The following DIAPH3 variants were observed in gnomAD, a reference collection of about 807,000 sequenced individuals.
DIAPH3 encodes protein diaphanous homolog 3.
DIAPH3 carries 117 observed loss-of-function variants against 144.3 expected under a neutral mutation model. The ratio of observed to expected loss-of-function variants is 0.81; its 90% CI spans 0.70 to 0.95. The LOEUF (loss-of-function observed/expected upper bound fraction) is 0.95. Ranked by LOEUF, DIAPH3 falls within the 40% of genes least tolerant of loss-of-function variation. DIAPH3 has a pLI of 0.00. For synonymous variants in DIAPH3, 519 were observed against 488.9 expected (o/e 1.06, Z -0.81); for missense variants, 1,421 against 1,412.7 (o/e 1.01, Z -0.09).
intron 2 of DIAPH3, among the ~76,000 whole-genome samples, chr13:60,115,795 T>A (rs1292464559): frequency 6.6e-6 from 1 of 152,110 alleles, no homozygotes; most frequent in African/African-American, 2.4e-5. Context: ...AACCAGTTTG[T>A]CTGCAAGTTT....
At chr13:59,969,157 A>G (rs776666341) in intron 17 of DIAPH3, among the ~76,000 whole-genome samples, 3 of 152,206 alleles carry the variant, frequency 2.0e-5, no homozygotes, top group Non-Finnish European at 4.4e-5. Context: ...GGATGAAATA[A>G]GTTCAATTTT....
chr13:59,675,480 G>A (rs1381163077), intron 27 of DIAPH3, among the ~76,000 whole-genome samples: 2 of 151,822 alleles, frequency 1.3e-5, no homozygotes, highest in Non-Finnish European at 2.9e-5. Context: ...CGCCTCCCGG[G>A]TTCATGCCAT....
At chr13:59,987,475 T>TAAAAAAA (rs201333360) in intron 12 of DIAPH3, among the ~76,000 whole-genome samples, 1 of 70,178 alleles carries the variant, frequency 1.4e-5, no homozygotes, top group Non-Finnish European at 3.1e-5. Context: ...TAAAGTATAA[T>TAAAAAAA]AAAAAAAAAA....
intron 27 of DIAPH3, among the ~76,000 whole-genome samples, chr13:59,752,799 A>G (rs1174283572): frequency 6.6e-6 from 1 of 152,216 alleles, no homozygotes; most frequent in Non-Finnish European, 1.5e-5. Flanking sequence ...AATTTCTTAA[A>G]TAATTATCTG....
chr13:59,860,836 C>T (rs1320336090), intron 22 of DIAPH3, among the ~76,000 whole-genome samples: 1 of 152,118 alleles, frequency 6.6e-6, no homozygotes, highest in African/African-American at 2.4e-5. Flanking sequence ...TTAATAATAG[C>T]TCTATCCGTT....
At chr13:59,827,727 T>A (rs950924581) in intron 24 of DIAPH3, among the ~76,000 whole-genome samples, 2 of 151,904 alleles carry the variant, frequency 1.3e-5, no homozygotes, top group Non-Finnish European at 2.9e-5. Flanking sequence ...TTGGGTTATG[T>A]GAGAAAAAGC....
At position 59,980,881 on chromosome 13, in the gene DIAPH3, AT is replaced by A; in HGVS notation, c.1481-23del. 4 of 1,599,500 alleles carry A rather than the reference AT, an allele frequency of 2.5e-6. No individual in the cohort carries two copies. The South Asian group carries it at 4.4e-5, about 18-fold the overall frequency. On this transcript the variant is annotated intron_variant, in intron 13 of 27. Transcript: ENST00000400324. Reference sequence around the variant, plus strand: ...ATGTCTAAAATTGCAATGACAGGAAATTTTTAATGTGAAACTTCTTAAACTC... The same window carrying A: ...ATGTCTAAAATTGCAATGACAGGAAATTTTAATGTGAAACTTCTTAAACTC...
chr13:60,025,957 C>A (rs1438951095), intron 5 of DIAPH3, among the ~76,000 whole-genome samples: 1 of 152,126 alleles, frequency 6.6e-6, no homozygotes, highest in Non-Finnish European at 1.5e-5. Flanking sequence ...ACTATGCCTA[C>A]AATCTTGAAG....
intron 20 of DIAPH3, among the ~76,000 whole-genome samples, chr13:59,910,132 T>C (rs1251615386): frequency 4.0e-5 from 6 of 151,766 alleles, no homozygotes. Flanking sequence ...TATTTCAAAA[T>C]TGTAATTTTA....
chr13:59,919,243 A>T (rs2047395228), intron 18 of DIAPH3, among the ~76,000 whole-genome samples: 1 of 152,116 alleles, frequency 6.6e-6, no homozygotes. Context: ...ATTGTAGAAA[A>T]CTTATTTTAA....
At chr13:59,921,316 T>C (rs1388682061) in intron 18 of DIAPH3, among the ~76,000 whole-genome samples, 1 of 150,482 alleles carries the variant, frequency 6.6e-6, no homozygotes, top group East Asian at 1.9e-4. Context: ...AATTTCATTT[T>C]TGGAAAAAAT....
intron 21 of DIAPH3, among the ~76,000 whole-genome samples, chr13:59,868,037 G>A (rs1398347403): frequency 6.6e-6 from 1 of 152,054 alleles, no homozygotes; most frequent in Non-Finnish European, 1.5e-5. Context: ...AAGAAGTCAT[G>A]GCAGGGTCGC....
chr13:59,800,788 A>G (rs2039864777), intron 25 of DIAPH3, among the ~76,000 whole-genome samples: 1 of 152,166 alleles, frequency 6.6e-6, no homozygotes, highest in African/African-American at 2.4e-5. Flanking sequence ...GGTATTTCCA[A>G]CGATCATAAA....
chr13:60,026,024 T>C, intron 5 of DIAPH3, among the ~76,000 whole-genome samples: 1 of 152,162 alleles, frequency 6.6e-6, no homozygotes, highest in East Asian at 1.9e-4. Flanking sequence ...ATAAGGCATT[T>C]TCTATTATTA....
chr13:59,983,866 A>G lies in DIAPH3; in HGVS notation c.1383T>C (p.Ile461=), dbSNP rs550929691. Residue 461 remains isoleucine, a synonymous_variant, in exon 13 of 28, where the codon ATT becomes ATC. Transcript: ENST00000400324. ...YFIRQQYFKL[I]DECVSQIVLH... is the part of the protein sequence containing the mutation. ...ATACAATCTGGGATACACACTCATC[A>G]ATTAATTTGAAGTATTGTTGCCTAA... is the stretch of plus-strand genomic sequence containing the variant. 6.2e-6 allele frequency: 10 copies of G among 1,606,894 alleles called. No homozygotes were observed. The Admixed American group carries it at 1.7e-4, about 27-fold the overall frequency.
At chr13:60,143,211 G>T (rs1387114497) in intron 1 of DIAPH3, among the ~76,000 whole-genome samples, 2 of 152,102 alleles carry the variant, frequency 1.3e-5, no homozygotes, top group Non-Finnish European at 1.5e-5. Context: ...ATTCAGGAAG[G>T]TTCTCTAAGC....
At chr13:59,847,078 CA>C (rs1443142667) in intron 22 of DIAPH3, among the ~76,000 whole-genome samples, 1 of 151,860 alleles carries the variant, frequency 6.6e-6, no homozygotes, top group Admixed American at 6.6e-5. Context: ...GATCTTGTCT[CA>C]AAAAAAAGAA....
chr13:59,734,155 A>G (rs969661917), intron 27 of DIAPH3, among the ~76,000 whole-genome samples: 5 of 152,226 alleles, frequency 3.3e-5, no homozygotes, highest in African/African-American at 1.2e-4. Flanking sequence ...TAGGTCATAT[A>G]TAAAAGGTAG....
intron 3 of DIAPH3, among the ~76,000 whole-genome samples, chr13:60,098,834 C>T (rs1003129146): frequency 4.6e-5 from 7 of 151,982 alleles, no homozygotes; most frequent in African/African-American, 7.2e-5. Flanking sequence ...GATATATGTA[C>T]GTATCTCATT....
Sources: gnomAD v4.1 joint callset for allele counts (sites outside exome capture counted in the v4.1 genomes callset) on GRCh38, gnomAD v4.1.1 for gene constraint, MANE v1.5 for transcripts, NCBI Gene and HGNC (gene_info 2026-07-23, HGNC 2026-07-21) for gene names.